ZHX2: variants seen among roughly 807,000 people sequenced by gnomAD.
The protein encoded by ZHX2 is zinc fingers and homeoboxes 2.
A neutral mutation model predicts 21.9 loss-of-function variants in ZHX2; 6 were observed. The observed-to-expected ratio is 0.27, with a 90% confidence interval of 0.15 to 0.54. The LOEUF (loss-of-function observed/expected upper bound fraction) is 0.54. ZHX2 is among the 20% of genes least tolerant of loss of function. ZHX2 has a pLI of 0.95. For synonymous variants in ZHX2, 434 were observed against 437.1 expected, an observed-to-expected ratio of 0.99 and a Z score of 0.09; for missense variants, 908 against 1,090.7, an observed-to-expected ratio of 0.83 and a Z score of 2.36.
At position 122,952,758 on chromosome 8, in the gene ZHX2, C is replaced by T. The variant is rs776191535; in HGVS notation, c.1248C>T (p.Pro416=). ...CCTTGGTGACTCCCCAAGCTGCCCC[C>T]GAACCCAAGCGTCCACACATCGCTC... ...KRPLVTPQAA[P]EPKRPHIAQV... Residue 416 remains proline (P), a synonymous_variant, in exon 3 of 4, where the codon CCC becomes CCT. Coordinates refer to ENST00000314393, the MANE Select transcript of ZHX2 (RefSeq NM_014943.5). The surrounding 1 kb of genome is among the most constrained non-coding windows in gnomAD (Gnocchi z 6.9). 1.8e-4 allele frequency: 295 copies of T among 1,613,998 alleles called. No homozygotes were observed. The highest frequency in any genetic ancestry group is 2.4e-4 in the South Asian group (22 of 91,082).
chr8:122,871,283 G>A (rs889394827), intron 2 of ZHX2, among the ~76,000 whole-genome samples: 11 of 151,936 alleles, frequency 7.2e-5, no homozygotes, highest in African/African-American at 2.4e-4. Flanking sequence ...CAACCCAAAT[G>A]TCCATCAATG....
chr8:122,909,463 C>T (rs1230563545), intron 2 of ZHX2, among the ~76,000 whole-genome samples: 1 of 151,334 alleles, frequency 6.6e-6, no homozygotes, highest in Non-Finnish European at 1.5e-5. Context: ...GTGGGGCAGG[C>T]GTTAGGGGAC....
In ZHX2 at chr8:122,910,832, T is replaced by C. The variant is rs568373953; in HGVS notation, c.-219-40460T>C. 3.9e-5 allele frequency among the ~76,000 whole-genome samples: 6 copies of C among 152,162 alleles called. 1 individual carries two copies. The South Asian group carries it at 1.0e-3, about 26-fold the overall frequency. ...GCCCAGAACCCAGGAAGTGGGGCCA[T>C]GCATCCCGTCAAGACCTCACTTACG... On this transcript the variant is annotated intron_variant, in intron 2 of 3. Coordinates refer to ENST00000314393, the MANE Select transcript of ZHX2 (RefSeq NM_014943.5).
intron 2 of ZHX2, among the ~76,000 whole-genome samples, chr8:122,865,391 G>A (rs922544810): frequency 1.3e-5 from 2 of 152,186 alleles, no homozygotes; most frequent in African/African-American, 4.8e-5. Flanking sequence ...GCCTTCCAAA[G>A]TGCTGGGATT....
At chr8:122,904,079 G>C (rs1413201325) in intron 2 of ZHX2, among the ~76,000 whole-genome samples, 3 of 152,070 alleles carry the variant, frequency 2.0e-5, no homozygotes, top group African/African-American at 7.2e-5. Flanking sequence ...TCTTTTCTTT[G>C]TTTGGCTTGG....
At chr8:122,838,573 A>ATTT (rs34833602) in intron 1 of ZHX2, among the ~76,000 whole-genome samples, 56 of 117,910 alleles carry the variant, frequency 4.7e-4, no homozygotes, top group East Asian at 9.8e-4. Flanking sequence ...TAGTAATGTG[A>ATTT]TTTTTTTTTT....
At chr8:122,967,361 C>A (rs535187598) in intron 3 of ZHX2, among the ~76,000 whole-genome samples, 1 of 152,144 alleles carries the variant, frequency 6.6e-6, no homozygotes, top group Admixed American at 6.5e-5. Flanking sequence ...TGTTGCTCTC[C>A]CCCTTTCTCT....
chr8:122,905,054 A>G (rs1315947903), intron 2 of ZHX2, among the ~76,000 whole-genome samples: 2 of 152,258 alleles, frequency 1.3e-5, no homozygotes, highest in South Asian at 2.1e-4. Flanking sequence ...GGAAAGAATC[A>G]GTGAACTTCA....
chr8:122,797,792 C>A (rs952438918), intron 1 of ZHX2, among the ~76,000 whole-genome samples: 2 of 152,184 alleles, frequency 1.3e-5, no homozygotes, highest in Non-Finnish European at 2.9e-5. Flanking sequence ...TTTGGTTTTA[C>A]ATTGAGCATC....
intron 2 of ZHX2, among the ~76,000 whole-genome samples, chr8:122,934,634 C>T (rs1812632336): frequency 6.7e-6 from 1 of 149,440 alleles, no homozygotes; most frequent in Non-Finnish European, 1.5e-5. Context: ...TTCCTTCCTT[C>T]CTTCCTTCCT....
chr8:122,827,278 T>C lies in ZHX2; in HGVS notation c.-282-36199T>C, dbSNP rs1187629256. Among the ~76,000 whole-genome samples the C allele has an allele frequency of 2.0e-5, 3 of 152,320 alleles. No homozygotes were observed. In the East Asian group the frequency reaches 5.8e-4, roughly 29 times the overall value. ...GTCTCAAACTCTTGGACTCAGGTGA[T>C]CTGCCTGCTTTGGCTTCCCAAAGTG... On this transcript the variant is annotated intron_variant, in intron 1 of 3. Transcript: ENST00000314393.
At chr8:122,968,137 G>A (rs966033964) in intron 3 of ZHX2, among the ~76,000 whole-genome samples, 3 of 152,154 alleles carry the variant, frequency 2.0e-5, no homozygotes, top group Non-Finnish European at 4.4e-5. Flanking sequence ...TAAGCACTTT[G>A]GGGAATCTGC....
chr8:122,812,689 A>C lies in ZHX2; in HGVS notation c.-283+30743A>C, dbSNP rs150452202. On this transcript the variant is annotated intron_variant, in intron 1 of 3. Transcript: ENST00000314393. ...TAACTACAGTATTTCCTTCCTAGGAAGAGGTTTAACATGGAAAACCTGAGA... is the reference window on the plus strand; with the variant it reads ...TAACTACAGTATTTCCTTCCTAGGACGAGGTTTAACATGGAAAACCTGAGA... Among the ~76,000 whole-genome samples the C allele has an allele frequency of 3.5e-3, 527 of 152,324 alleles. 1 individual carries two copies. Among genetic ancestry groups the C allele is most frequent in the African/African-American group, 0.012 (491 of 41,546 alleles).
chr8:122,795,911 C>T (rs919202131), intron 1 of ZHX2, among the ~76,000 whole-genome samples: 1 of 152,150 alleles, frequency 6.6e-6, no homozygotes, highest in Non-Finnish European at 1.5e-5. Context: ...TGGCTCACGC[C>T]TGTAATCCCA....
chr8:122,842,864 A>G (rs942089440), intron 1 of ZHX2, among the ~76,000 whole-genome samples: 1 of 152,198 alleles, frequency 6.6e-6, no homozygotes, highest in Admixed American at 6.5e-5. Flanking sequence ...GGGGTTCTCA[A>G]ACTCAGTGGG....
At chr8:122,836,492 C>T (rs1414149340) in intron 1 of ZHX2, among the ~76,000 whole-genome samples, 1 of 152,124 alleles carries the variant, frequency 6.6e-6, no homozygotes, top group Admixed American at 6.5e-5. Flanking sequence ...CCGGAGAGCG[C>T]GCGTTCGAAC....
At position 122,785,084 on chromosome 8, in the gene ZHX2, A is replaced by G. The variant is rs560047217; in HGVS notation, c.-283+3138A>G. Among the ~76,000 whole-genome samples, 130 of 152,376 alleles carry G rather than the reference A, an allele frequency of 8.5e-4. 1 individual carries two copies. Among genetic ancestry groups the G allele is most frequent in the Middle Eastern group, 3.4e-3 (1 of 294 alleles). On this transcript the variant is annotated intron_variant, in intron 1 of 3. Transcript: ENST00000314393. ...CAGGCTTAGATAAGTGCTATGATTG[A>G]GAAAACTAACCACTGTGGAAGCACA...
At chr8:122,853,886 G>A (rs934670983) in intron 1 of ZHX2, among the ~76,000 whole-genome samples, 3 of 152,172 alleles carry the variant, frequency 2.0e-5, no homozygotes, top group East Asian at 3.9e-4. Flanking sequence ...AACAGGGAAC[G>A]TCTGCCCCAC....
intron 1 of ZHX2, among the ~76,000 whole-genome samples, chr8:122,861,556 G>A (rs950440683): frequency 2.6e-5 from 4 of 152,158 alleles, no homozygotes; most frequent in Non-Finnish European, 5.9e-5. Context: ...CAAGCAGAGT[G>A]TGGAGCAAGA....
Sources: gnomAD v4.1 joint callset for allele counts (sites outside exome capture counted in the v4.1 genomes callset) on GRCh38, gnomAD v4.1.1 for gene constraint, Gnocchi (gnomAD v3.1) non-coding constraint, MANE v1.5 for transcripts, NCBI Gene and HGNC (gene_info 2026-07-23, HGNC 2026-07-21) for gene names.